Variants in PCDHA9 observed in about 807,000 individuals in gnomAD.
The protein encoded by PCDHA9 is protocadherin alpha-9.
A neutral mutation model predicts 62.0 loss-of-function variants in PCDHA9; 62 were observed. That is an observed-to-expected ratio of 1.00 (90% CI 0.81 to 1.23). The LOEUF is 1.23. Ranked by LOEUF, PCDHA9 falls within the 50% of genes most tolerant of loss-of-function variation. PCDHA9 has a pLI of 0.00. For synonymous variants in PCDHA9, 557 were observed against 567.6 expected, an observed-to-expected ratio of 0.98 and a Z score of 0.27; for missense variants, 1,205 against 1,249.8, an observed-to-expected ratio of 0.96 and a Z score of 0.54.
intron 1 of PCDHA9, among the ~76,000 whole-genome samples, chr5:140,945,166 T>C (rs145739178): frequency 2.6e-5 from 4 of 152,112 alleles, no homozygotes; most frequent in African/African-American, 9.6e-5. Context: ...TTGAACTATC[T>C]GAAAAATAAA....
chr5:140,870,731 C>T (rs782095287), intron 1 of PCDHA9: 3 of 1,613,444 alleles, frequency 1.9e-6, no homozygotes, highest in Non-Finnish European at 2.5e-6. Context: ...GGCGTGCCGC[C>T]TCTGAGCAGC....
chr5:140,885,941 T>G (rs2060783691), intron 1 of PCDHA9, among the ~76,000 whole-genome samples: 1 of 152,196 alleles, frequency 6.6e-6, no homozygotes, highest in Non-Finnish European at 1.5e-5. Flanking sequence ...TTTTTTGACA[T>G]TTTTAATTAA....
intron 1 of PCDHA9, chr5:140,858,035 A>T: frequency 6.3e-7 from 1 of 1,597,220 alleles, no homozygotes; most frequent in East Asian, 2.2e-5. Context: ...GGCCACGGCC[A>T]CTGTGCTTGT....
intron 1 of PCDHA9, among the ~76,000 whole-genome samples, chr5:140,952,427 C>T (rs2094744253): frequency 6.6e-6 from 1 of 152,162 alleles, no homozygotes; most frequent in African/African-American, 2.4e-5. Flanking sequence ...CAGATTCCTA[C>T]AGCACAGGCA....
intron 1 of PCDHA9, chr5:140,877,907 T>G (rs2057390973): frequency 2.1e-6 from 3 of 1,433,442 alleles, no homozygotes; most frequent in Non-Finnish European, 2.8e-6. Context: ...TATAACTACA[T>G]TCTCTCATTT....
intron 1 of PCDHA9, chr5:140,876,767 C>G (rs1462172871): frequency 6.2e-7 from 1 of 1,614,076 alleles, no homozygotes. Flanking sequence ...GATGGGGGCT[C>G]GCCTTCGCTG....
intron 3 of PCDHA9, among the ~76,000 whole-genome samples, chr5:140,992,214 C>G (rs2097499658): frequency 6.6e-6 from 1 of 152,152 alleles, no homozygotes; most frequent in Non-Finnish European, 1.5e-5. Flanking sequence ...ATAAACTACT[C>G]TCCCTTCCTG....
intron 1 of PCDHA9, chr5:140,884,714 C>A: frequency 1.4e-6 from 2 of 1,471,312 alleles, no homozygotes; most frequent in Non-Finnish European, 9.0e-7. Context: ...GCCTTCCTTG[C>A]AGTTGTTTGT....
chr5:140,864,489 A>C (rs1194272327), intron 1 of PCDHA9: 1 of 152,184 alleles, frequency 6.6e-6, no homozygotes, highest in Admixed American at 6.5e-5. Flanking sequence ...CAGTGGGTGG[A>C]ATTTTAGCCT....
intron 1 of PCDHA9, chr5:140,882,209 A>G (rs781846726): frequency 5.2e-6 from 8 of 1,531,724 alleles, no homozygotes; most frequent in Non-Finnish European, 7.0e-6. Context: ...GCCTTGAGAG[A>G]CAGTTTGAGG....
At chr5:140,969,294 T>C in intron 1 of PCDHA9, 2 of 1,614,212 alleles carry the variant, frequency 1.2e-6, no homozygotes, top group Non-Finnish European at 1.7e-6. Context: ...GCTGGGAACC[T>C]GATTATTCTC....
intron 1 of PCDHA9, among the ~76,000 whole-genome samples, chr5:140,935,064 T>C (rs782620164): frequency 5.9e-5 from 9 of 152,252 alleles, no homozygotes; most frequent in Admixed American, 2.0e-4. Flanking sequence ...GATGTTCAGA[T>C]TATCTTGTAC....
chr5:140,934,858 CTT>C (rs1462067711), intron 1 of PCDHA9, among the ~76,000 whole-genome samples: 1 of 152,136 alleles, frequency 6.6e-6, no homozygotes, highest in African/African-American at 2.4e-5. Flanking sequence ...GCTCCTGAGT[CTT>C]TGTGAGTGTG....
At chr5:140,871,940 T>C (rs1554165964) in intron 1 of PCDHA9, among the ~76,000 whole-genome samples, 1 of 152,226 alleles carries the variant, frequency 6.6e-6, no homozygotes, top group Non-Finnish European at 1.5e-5. Flanking sequence ...TCAACTGGCT[T>C]TGTTTTTCTA....
At position 140,858,811 on chromosome 5, in the gene PCDHA9, T is replaced by A. The variant is rs2045603382; in HGVS notation, c.2394+7922T>A. The A allele has an allele frequency of 1.4e-5, 5 of 354,112 alleles. No homozygotes were observed. The South Asian group carries it at 1.7e-4, about 12-fold the overall frequency. The allele number at this position is 354,112 out of a possible 1,614,324, so 21.9% of individuals were successfully genotyped here. A position where few individuals can be genotyped will look rare whatever the true frequency, so the allele number is the denominator to read the frequency against. ...TTTCATTTCCAATCTAAATTTTGAT[T>A]TGATTGTATTTGCATTACCAAAAAA... On this transcript the variant is annotated intron_variant, in intron 1 of 3. Transcript: ENST00000532602.
intron 1 of PCDHA9, chr5:140,926,972 C>G (rs782504064): frequency 1.3e-5 from 21 of 1,609,464 alleles, no homozygotes; most frequent in Non-Finnish European, 1.7e-5. Context: ...TACTCAGTGC[C>G]GGAGGAGACG....
chr5:140,959,408 A>C (rs1554224058), intron 1 of PCDHA9, among the ~76,000 whole-genome samples: 2 of 152,124 alleles, frequency 1.3e-5, no homozygotes, highest in Non-Finnish European at 1.5e-5. Context: ...TAAAGTGTTG[A>C]TTGATCTGAG....
At chr5:140,937,064 G>A (rs2091301496) in intron 1 of PCDHA9, among the ~76,000 whole-genome samples, 1 of 143,854 alleles carries the variant, frequency 7.0e-6, no homozygotes, top group Admixed American at 7.1e-5. Context: ...TTGAGACGGA[G>A]TCTCGCTCTG....
intron 1 of PCDHA9, among the ~76,000 whole-genome samples, chr5:140,941,202 C>CCTTTCTTCCTTTCTTTTTCTTT (rs1394736170): frequency 8.1e-6 from 1 of 122,742 alleles, no homozygotes; most frequent in African/African-American, 3.0e-5. Flanking sequence ...TTTCTTTCTT[C>CCTTTCTTCCTTTCTTTTTCTTT]CTTTCTTTCT....
Sources: allele counts gnomAD v4.1 joint callset (sites outside exome capture counted in the v4.1 genomes callset), GRCh38; gene constraint gnomAD v4.1.1; transcripts MANE v1.5; gene names NCBI Gene and HGNC (gene_info 2026-07-23, HGNC 2026-07-21).